Variants in CTNNA2 observed in about 807,000 individuals in gnomAD.
CTNNA2 encodes the protein catenin alpha 2, also known as catenin alpha-2.
Under a neutral mutation model 101.0 loss-of-function variants are expected in CTNNA2, and 42 were observed. That is an observed-to-expected ratio of 0.42 (90% confidence interval 0.32 to 0.54). CTNNA2 has a LOEUF of 0.54. Ranked by LOEUF, CTNNA2 falls within the 20% of genes least tolerant of loss-of-function variation. The pLI is 0.14. For synonymous variants in CTNNA2, 450 were observed against 456.4 expected, an observed-to-expected ratio of 0.99 and a Z score of 0.18; for missense variants, 871 against 1,223.1, an observed-to-expected ratio of 0.71 and a Z score of 4.29.
At chr2:79,690,075 G>A (rs1511181) in intron 2 of CTNNA2, among the ~76,000 whole-genome samples, 73,813 of 151,762 alleles carry the variant, frequency 0.49, 18,230 homozygotes, top group Admixed American at 0.53. Context: ...TCTGATGAAA[G>A]CCATTAAGCC....
intron 14 of CTNNA2, among the ~76,000 whole-genome samples, chr2:80,584,133 A>T (rs1227267156): frequency 6.6e-6 from 1 of 152,112 alleles, no homozygotes; most frequent in Non-Finnish European, 1.5e-5. Flanking sequence ...TGACCAGCAA[A>T]GTGTGCTAAG....
chr2:79,399,703 G>C (rs1205999052), intron 4 of CTNNA2, among the ~76,000 whole-genome samples: 3 of 151,834 alleles, frequency 2.0e-5, no homozygotes, highest in Non-Finnish European at 4.4e-5. Context: ...ATAAAGATGA[G>C]ACACTCAAAG....
At chr2:79,350,211 G>C (rs887650234) in intron 3 of CTNNA2, among the ~76,000 whole-genome samples, 3 of 151,854 alleles carry the variant, frequency 2.0e-5, no homozygotes, top group African/African-American at 7.3e-5. Flanking sequence ...TGAGGTTTGT[G>C]CTTCTAGGGT....
chr2:79,945,758 A>G lies in CTNNA2; in HGVS notation c.1056+35961A>G, dbSNP rs564495964. On this transcript the variant is annotated intron_variant, in intron 7 of 18. Transcript: ENST00000402739. ...ATCCTCTGAGATTCTAGAGAAATTA[A>G]TTTATCCAGCAGACATTTAGTTCAG... Among the ~76,000 whole-genome samples the G allele has an allele frequency of 2.4e-3, 368 of 152,332 alleles. 1 individual carries two copies. The highest frequency in any genetic ancestry group is 0.011 in the South Asian group (52 of 4,826).
chr2:80,310,484 T>A (rs1411486352), intron 7 of CTNNA2, among the ~76,000 whole-genome samples: 1 of 152,166 alleles, frequency 6.6e-6, no homozygotes, highest in Non-Finnish European at 1.5e-5. Flanking sequence ...CAGAGTTGCA[T>A]GGTAATTGAT....
intron 9 of CTNNA2, among the ~76,000 whole-genome samples, chr2:80,536,723 C>G (rs1253885597): frequency 6.6e-6 from 1 of 152,202 alleles, no homozygotes; most frequent in African/African-American, 2.4e-5. Context: ...GAAGCTCAGC[C>G]TTCCAGGCAT....
chr2:79,566,969 T>C (rs907174359), intron 1 of CTNNA2, among the ~76,000 whole-genome samples: 2 of 152,132 alleles, frequency 1.3e-5, no homozygotes, highest in African/African-American at 4.8e-5. Context: ...TGTTCAACGT[T>C]GACAAGAACG....
chr2:80,011,355 T>C lies in CTNNA2; in HGVS notation c.1056+101558T>C, dbSNP rs541094464. ...ACGTATATAGAAATATGACAGAAAATAAAGAGTTGCTCTAGTTGAAGTTGG... is the reference window on the plus strand; with the variant it reads ...ACGTATATAGAAATATGACAGAAAACAAAGAGTTGCTCTAGTTGAAGTTGG... On this transcript the variant is annotated intron_variant, in intron 7 of 18. Coordinates refer to ENST00000402739, the MANE Select transcript of CTNNA2 (RefSeq NM_001282597.3). Among the ~76,000 whole-genome samples the C allele has an allele frequency of 3.3e-5, 5 of 152,182 alleles. 1 individual carries two copies. The South Asian group carries it at 1.0e-3, about 32-fold the overall frequency.
intron 2 of CTNNA2, among the ~76,000 whole-genome samples, chr2:79,667,238 G>A (rs1185236439): frequency 5.3e-5 from 8 of 152,210 alleles, no homozygotes; most frequent in Non-Finnish European, 1.0e-4. Context: ...CTTCATGTTT[G>A]AGAGTAGTCC....
At chr2:80,574,432 G>GACTAATAAGGAGCCAAACA in intron 13 of CTNNA2, 118 bp downstream of exon 13, 2 of 1,263,862 alleles carry the variant, frequency 1.6e-6, no homozygotes, top group Non-Finnish European at 2.1e-6. Flanking sequence ...TAAGCTGTTT[G>GACTAATAAGGAGCCAAACA]GCTCCTTATT....
intron 1 of CTNNA2, among the ~76,000 whole-genome samples, chr2:79,541,462 T>C (rs1438840443): frequency 7.2e-6 from 1 of 138,358 alleles, no homozygotes; most frequent in South Asian, 2.3e-4. Context: ...ATATATACAC[T>C]CATATACTTG....
chr2:79,612,563 G>C (rs1678349334), intron 1 of CTNNA2, among the ~76,000 whole-genome samples: 1 of 152,050 alleles, frequency 6.6e-6, no homozygotes, highest in Admixed American at 6.6e-5. Flanking sequence ...TGTTTCTTTG[G>C]CCTGAGTGAG....
intron 11 of CTNNA2, among the ~76,000 whole-genome samples, chr2:80,547,707 G>GA (rs1234214506): frequency 3.3e-5 from 1 of 30,434 alleles, no homozygotes; most frequent in Non-Finnish European, 5.8e-5. Context: ...TTTTTTTTTT[G>GA]AGATGGAGTT....
At chr2:79,354,783 C>A (rs1266845450) in intron 3 of CTNNA2, among the ~76,000 whole-genome samples, 2 of 152,168 alleles carry the variant, frequency 1.3e-5, no homozygotes, top group Admixed American at 1.3e-4. Context: ...TCCTTAGGAG[C>A]TGTTCAGAGC....
intron 2 of CTNNA2, among the ~76,000 whole-genome samples, chr2:79,271,405 T>C (rs546558734): frequency 6.6e-6 from 1 of 152,086 alleles, no homozygotes; most frequent in East Asian, 1.9e-4. Flanking sequence ...AAAACAGAAT[T>C]CTTGGAAAGA....
chr2:80,572,127 G>A (rs2149698435), intron 12 of CTNNA2, among the ~76,000 whole-genome samples: 1 of 152,214 alleles, frequency 6.6e-6, no homozygotes, highest in South Asian at 2.1e-4. Context: ...CCCATCTGTA[G>A]TAGAAGGGTA....
intron 4 of CTNNA2, among the ~76,000 whole-genome samples, chr2:79,388,515 A>C (rs1262076958): frequency 6.6e-6 from 1 of 152,240 alleles, no homozygotes; most frequent in Non-Finnish European, 1.5e-5. Context: ...TTAAAAGTTA[A>C]GAAATATAAA....
intron 7 of CTNNA2, among the ~76,000 whole-genome samples, chr2:80,177,891 C>A (rs1705499200): frequency 1.3e-5 from 2 of 152,182 alleles, no homozygotes; most frequent in Admixed American, 1.3e-4. Flanking sequence ...TCCTTCCAAG[C>A]AAAGTGCACA....
chr2:80,638,702 T>G (rs1673127307), intron 18 of CTNNA2, among the ~76,000 whole-genome samples: 1 of 152,214 alleles, frequency 6.6e-6, no homozygotes, highest in Admixed American at 6.5e-5. Flanking sequence ...TAATTAAGAT[T>G]TCATGGGCGT....
Sources: allele counts gnomAD v4.1 joint callset (sites outside exome capture counted in the v4.1 genomes callset), GRCh38; gene constraint gnomAD v4.1.1; transcripts MANE v1.5; gene names NCBI Gene and HGNC (gene_info 2026-07-23, HGNC 2026-07-21).